ARPP21: variants seen among roughly 807,000 people sequenced by gnomAD.
ARPP21 encodes cAMP-regulated phosphoprotein 21.
Under a neutral mutation model 113.2 loss-of-function variants are expected in ARPP21, and 69 were observed. The observed-to-expected ratio is 0.61, with a 90% CI of 0.50 to 0.74. ARPP21 has a LOEUF of 0.74. Among genes scored for constraint, ARPP21 ranks in the 30% least tolerant of loss-of-function variants. The pLI is 0.00. For missense variants in ARPP21, 1,070 were observed against 1,037.4 expected (o/e 1.03, Z -0.43); for synonymous variants, 368 against 375.5 (o/e 0.98, Z 0.23).
chr3:35,669,586 A>G, intron 1 of ARPP21, among the ~76,000 whole-genome samples: 1 of 152,244 alleles, frequency 6.6e-6, no homozygotes, highest in East Asian at 1.9e-4. Flanking sequence ...CCTCCATTTC[A>G]GGGATCAGAT....
At position 35,712,523 on chromosome 3, in the gene ARPP21, TGTGTGTG is replaced by T. The variant is rs2091444088; in HGVS notation, c.898-2915_898-2909del. ...TTGGTGTCTAAGGTGTCTGTGTGTG[TGTGTGTG>T]TGTGTGTGTGTGTGTGTGTGTGTGT... On this transcript the variant is annotated intron_variant, in intron 11 of 20. Transcript: ENST00000684406. 5.9e-3 allele frequency among the ~76,000 whole-genome samples: 624 copies of T among 105,776 alleles called. 6 individuals carry two copies. Among genetic ancestry groups the T allele is most frequent in the African/African-American group, 0.024 (600 of 25,232 alleles). 69.4% of individuals were successfully genotyped at this position (105,776 alleles called of 152,430 possible). A position where few individuals can be genotyped will look rare whatever the true frequency, so the allele number is the denominator to read the frequency against.
intron 1 of ARPP21, among the ~76,000 whole-genome samples, chr3:35,648,713 T>C (rs1051665200): frequency 2.0e-5 from 3 of 152,164 alleles, no homozygotes; most frequent in South Asian, 2.1e-4. Flanking sequence ...TATCAAAAAA[T>C]TGAGAGCCAC....
At chr3:35,701,232 A>G (rs1280326356) in intron 9 of ARPP21, among the ~76,000 whole-genome samples, 3 of 151,682 alleles carry the variant, frequency 2.0e-5, no homozygotes, top group Non-Finnish European at 2.9e-5. Flanking sequence ...ACCTAGGCAT[A>G]TATTTGATGT....
chr3:35,718,396 C>A (rs925813506), intron 13 of ARPP21, among the ~76,000 whole-genome samples: 1 of 152,234 alleles, frequency 6.6e-6, no homozygotes, highest in Admixed American at 6.5e-5. Context: ...CTTTGCACTT[C>A]TTTTGAAAAC....
intron 19 of ARPP21, chr3:35,744,467 G>A (rs768268722): frequency 7.6e-6 from 4 of 527,594 alleles, no homozygotes; most frequent in African/African-American, 1.9e-5. Context: ...CCCAGAGCCC[G>A]GCAGCCACTG....
chr3:35,774,536 G>A (rs1170677314), intron 19 of ARPP21, among the ~76,000 whole-genome samples: 1 of 152,076 alleles, frequency 6.6e-6, no homozygotes, highest in Non-Finnish European at 1.5e-5. Flanking sequence ...AATCCTTCTG[G>A]AGGAGTGTAT....
chr3:35,693,587 T>C (rs2082904709), intron 9 of ARPP21, among the ~76,000 whole-genome samples: 2 of 151,736 alleles, frequency 1.3e-5, no homozygotes, highest in African/African-American at 4.8e-5. Flanking sequence ...TGGAAAATTA[T>C]GTTTGATTTT....
At chr3:35,662,874 A>G (rs377688562) in intron 1 of ARPP21, among the ~76,000 whole-genome samples, 4 of 152,282 alleles carry the variant, frequency 2.6e-5, no homozygotes, top group African/African-American at 9.6e-5. Context: ...TTTTGATCAC[A>G]TGGAGACAGA....
At chr3:35,762,126 T>TCACACACACACACACA (rs371775285) in intron 19 of ARPP21, among the ~76,000 whole-genome samples, 25 of 127,036 alleles carry the variant, frequency 2.0e-4, no homozygotes, top group Admixed American at 6.5e-4. Context: ...TCTCTCTCTC[T>TCACACACACACACACA]CACACACACA....
intron 9 of ARPP21, among the ~76,000 whole-genome samples, chr3:35,698,634 A>G (rs1439012731): frequency 6.6e-6 from 1 of 151,610 alleles, no homozygotes; most frequent in Non-Finnish European, 1.5e-5. Flanking sequence ...TACTACTGTC[A>G]CTCAGCCATG....
At chr3:35,712,809 A>G (rs1438859109) in intron 11 of ARPP21, among the ~76,000 whole-genome samples, 2 of 152,160 alleles carry the variant, frequency 1.3e-5, no homozygotes, top group African/African-American at 2.4e-5. Flanking sequence ...TTGAAATGTA[A>G]TTCTTTTTTC....
In ARPP21 at chr3:35,687,778, C is replaced by A; in HGVS notation, c.301C>A (p.Gln101Lys). ...HLQLSSFSSL[Q>K]EEDKSRKDDS... ...ACAGCTTTCCAGTTTTTCCAGCCTG[C>A]AAGAGGAGGATAAATCTAGGAAAGA... The change falls in exon 6 of 21, where the codon CAA becomes AAA. Residue 101 changes from glutamine (Q) to lysine (K), a missense_variant. Gln to Lys is a moderately conservative substitution (Grantham distance 53, BLOSUM62 1). Transcript: ENST00000684406. The A allele has an allele frequency of 6.2e-7, 1 of 1,604,286 alleles. No individual in the cohort carries two copies. The highest frequency in any genetic ancestry group is 8.5e-7 in the Non-Finnish European group (1 of 1,175,800).
At chr3:35,726,809 AG>A (rs1344049180) in intron 14 of ARPP21, among the ~76,000 whole-genome samples, 1 of 152,222 alleles carries the variant, frequency 6.6e-6, no homozygotes, top group East Asian at 1.9e-4. Context: ...TTCAGTGCCT[AG>A]CCCCTCAGTC....
chr3:35,698,533 A>G (rs1264428177), intron 9 of ARPP21, among the ~76,000 whole-genome samples: 2 of 151,636 alleles, frequency 1.3e-5, no homozygotes, highest in African/African-American at 4.8e-5. Context: ...TCCTAGGTAG[A>G]TAAAGCTAAG....
intron 1 of ARPP21, among the ~76,000 whole-genome samples, chr3:35,667,969 G>GAAA (rs2075132805): frequency 4.2e-5 from 5 of 118,586 alleles, no homozygotes; most frequent in African/African-American, 1.3e-4. Flanking sequence ...AGAAGAAGAA[G>GAAA]AAGAAGAAGA....
At chr3:35,700,138 A>C (rs1045147182) in intron 9 of ARPP21, among the ~76,000 whole-genome samples, 1 of 151,802 alleles carries the variant, frequency 6.6e-6, no homozygotes, top group Non-Finnish European at 1.5e-5. Context: ...TTGTGCATGT[A>C]CGTAATCCTC....
chr3:35,755,151 C>T (rs1458646806), intron 19 of ARPP21, among the ~76,000 whole-genome samples: 1 of 152,002 alleles, frequency 6.6e-6, no homozygotes, highest in Non-Finnish European at 1.5e-5. Flanking sequence ...TCTTGACTCT[C>T]CCTTTTACTT....
At chr3:35,783,569 C>T (rs2096569909) in intron 19 of ARPP21, among the ~76,000 whole-genome samples, 1 of 152,080 alleles carries the variant, frequency 6.6e-6, no homozygotes, top group Non-Finnish European at 1.5e-5. Flanking sequence ...ATCATCTCTG[C>T]CCTGGATTAT....
chr3:35,648,739 C>G (rs1701231116), intron 1 of ARPP21, among the ~76,000 whole-genome samples: 1 of 152,100 alleles, frequency 6.6e-6, no homozygotes, highest in Non-Finnish European at 1.5e-5. Flanking sequence ...GTATTCAACA[C>G]AGGAGAAGGT....
Sources: gnomAD v4.1 joint callset for allele counts (sites outside exome capture counted in the v4.1 genomes callset) on GRCh38, gnomAD v4.1.1 for gene constraint, MANE v1.5 for transcripts, NCBI Gene and HGNC (gene_info 2026-07-23, HGNC 2026-07-21) for gene names.